PRKG1: variants seen among roughly 807,000 people sequenced by gnomAD.
PRKG1 encodes protein kinase cGMP-dependent 1.
Under a neutral mutation model 88.1 loss-of-function variants are expected in PRKG1, and 35 were observed. The observed-to-expected ratio is 0.40, with a 90% CI of 0.30 to 0.53. PRKG1 has a LOEUF of 0.53. PRKG1 is among the 20% of genes least tolerant of loss of function. The pLI is 0.59. For missense variants in PRKG1, 540 were observed against 839.8 expected (o/e 0.64, Z 4.41); for synonymous variants, 303 against 292.5 (o/e 1.04, Z -0.37).
At chr10:51,279,289 T>C (rs949111382) in intron 2 of PRKG1, among the ~76,000 whole-genome samples, 3 of 152,178 alleles carry the variant, frequency 2.0e-5, no homozygotes, top group African/African-American at 7.2e-5. Flanking sequence ...TAATCCTGAG[T>C]TCTAGTTTGA....
chr10:52,167,641 G>T (rs1417220033), intron 9 of PRKG1, among the ~76,000 whole-genome samples: 2 of 140,978 alleles, frequency 1.4e-5, no homozygotes, highest in African/African-American at 2.6e-5. Flanking sequence ...AAAAAAAAAA[G>T]CACCAAACAA....
chr10:52,224,836 T>TATATATATATATATATATACACATAC (rs1457134141), intron 9 of PRKG1, among the ~76,000 whole-genome samples: 1 of 89,848 alleles, frequency 1.1e-5, no homozygotes, highest in South Asian at 4.4e-4. Context: ...TATATATATA[T>TATATATATATATATATATACACATAC]ATACATACAT....
intron 2 of PRKG1, among the ~76,000 whole-genome samples, chr10:51,389,825 T>G (rs1417783072): frequency 1.3e-5 from 2 of 152,138 alleles, no homozygotes; most frequent in Non-Finnish European, 2.9e-5. Flanking sequence ...TTTCAGTGAC[T>G]TTTCTGCCAG....
intron 2 of PRKG1, among the ~76,000 whole-genome samples, chr10:51,204,854 A>G (rs1212603941): frequency 1.3e-5 from 2 of 152,136 alleles, no homozygotes; most frequent in East Asian, 3.9e-4. Context: ...TTGGGGCCTG[A>G]AGGGATTGGA....
chr10:51,883,109 G>T (rs1268560025), intron 4 of PRKG1, among the ~76,000 whole-genome samples: 1 of 152,172 alleles, frequency 6.6e-6, no homozygotes, highest in African/African-American at 2.4e-5. Context: ...TGGAAAAAGG[G>T]CAAACTGTCT....
In PRKG1 at chr10:51,408,373, A is replaced by T. The variant is rs544256620; in HGVS notation, c.479-59350A>T. Among the ~76,000 whole-genome samples, 19 of 152,322 alleles carry T rather than the reference A, an allele frequency of 1.2e-4. 1 individual carries two copies. The South Asian group carries it at 2.7e-3, about 22-fold the overall frequency. ...CACTGCCACACTTCTTTAGCCGTAA[A>T]GTGAGTGCCTTGGTTAGAGGCAATG... On this transcript the variant is annotated intron_variant, in intron 2 of 17. Transcript: ENST00000373980.
chr10:51,627,988 C>CT, intron 3 of PRKG1, among the ~76,000 whole-genome samples: 1 of 29,788 alleles, frequency 3.4e-5, no homozygotes, highest in East Asian at 1.1e-3. Flanking sequence ...TTCTTTCTTT[C>CT]TTTCTCTCTC....
chr10:52,164,125 A>C (rs1224903445), intron 9 of PRKG1, among the ~76,000 whole-genome samples: 1 of 151,822 alleles, frequency 6.6e-6, no homozygotes, highest in Non-Finnish European at 1.5e-5. Flanking sequence ...TCAAGGGGGG[A>C]AGATCACCTG....
chr10:51,692,396 C>G (rs1043447869), intron 3 of PRKG1, among the ~76,000 whole-genome samples: 1 of 152,090 alleles, frequency 6.6e-6, no homozygotes, highest in Non-Finnish European at 1.5e-5. Context: ...GTGCCCACCA[C>G]CACGCCCCTG....
At chr10:51,847,833 A>G (rs1370466789) in intron 4 of PRKG1, among the ~76,000 whole-genome samples, 1 of 106,000 alleles carries the variant, frequency 9.4e-6, no homozygotes, top group Non-Finnish European at 2.0e-5. Context: ...GAGACTCAAG[A>G]CTCTGTTAAA....
At chr10:51,049,860 T>A (rs1228069799) in intron 1 of PRKG1, among the ~76,000 whole-genome samples, 3 of 152,148 alleles carry the variant, frequency 2.0e-5, no homozygotes, top group Non-Finnish European at 4.4e-5. Context: ...TAAAATAAAA[T>A]CCGAAAGTAC....
intron 3 of PRKG1, among the ~76,000 whole-genome samples, chr10:51,592,549 A>T (rs1838338121): frequency 6.6e-6 from 1 of 152,114 alleles, no homozygotes; most frequent in Non-Finnish European, 1.5e-5. Flanking sequence ...GTGATTATTG[A>T]TCAGGGTCTC....
chr10:52,062,947 A>G (rs1452049033), intron 7 of PRKG1: 2 of 618,846 alleles, frequency 3.2e-6, no homozygotes, highest in East Asian at 2.8e-5. Context: ...TTGTGCAATG[A>G]TTTTACTCAG....
At chr10:51,491,025 T>C (rs1193712797) in intron 3 of PRKG1, among the ~76,000 whole-genome samples, 1 of 152,040 alleles carries the variant, frequency 6.6e-6, no homozygotes, top group Admixed American at 6.6e-5. Flanking sequence ...ATGGGACTCC[T>C]TCTAGGTGAT....
rs529562823 is a variant in PRKG1, at chr10:52,199,106, C to T, written c.1076+37143C>T. Reference sequence around the variant, plus strand: ...ATCCTTGCTCTTTCTTTTTTTTTCCCGATTCTGTTTCAATGTAAGGTTTTT... The same window carrying T: ...ATCCTTGCTCTTTCTTTTTTTTTCCTGATTCTGTTTCAATGTAAGGTTTTT... On this transcript the variant is annotated intron_variant, in intron 9 of 17. Transcript: ENST00000373980. Among the ~76,000 whole-genome samples, 4 of 151,240 alleles carry T rather than the reference C, an allele frequency of 2.6e-5. No homozygotes were observed. The South Asian group carries it at 6.3e-4, about 24-fold the overall frequency.
At chr10:51,617,037 C>T (rs1353157271) in intron 3 of PRKG1, among the ~76,000 whole-genome samples, 1 of 152,062 alleles carries the variant, frequency 6.6e-6, no homozygotes, top group Non-Finnish European at 1.5e-5. Flanking sequence ...GTCTGTGGGA[C>T]CCAGCATGAG....
At chr10:52,164,008 G>A (rs10437383) in intron 9 of PRKG1, among the ~76,000 whole-genome samples, 60,106 of 151,884 alleles carry the variant, frequency 0.4, 12,670 homozygotes, top group African/African-American at 0.54. Flanking sequence ...TTAAAATGGC[G>A]TTTTTGAGAT....
intron 4 of PRKG1, among the ~76,000 whole-genome samples, chr10:51,901,920 A>C (rs937002743): frequency 3.3e-5 from 5 of 152,118 alleles, no homozygotes; most frequent in African/African-American, 1.2e-4. Flanking sequence ...CATTTAAAAA[A>C]TATCATTGAT....
rs1842322420 is a variant in PRKG1, at chr10:52,293,769, A to AT, written c.1963-32dup. 1.9e-6 allele frequency: 3 copies of AT among 1,556,802 alleles called. No homozygotes were observed. The East Asian group carries it at 6.7e-5, about 35-fold the overall frequency. ...CCAGCTTGGAATTCCACTAAAAAAA[A>AT]TCCACTAAAAAAAACCTGTCCATTT... On this transcript the variant is annotated intron_variant, in intron 17 of 17. Transcript: ENST00000373980.
Sources: gnomAD v4.1 joint callset for allele counts (sites outside exome capture counted in the v4.1 genomes callset) on GRCh38, gnomAD v4.1.1 for gene constraint, MANE v1.5 for transcripts, NCBI Gene and HGNC (gene_info 2026-07-23, HGNC 2026-07-21) for gene names.